Variants in ST8SIA1 observed in about 807,000 individuals in gnomAD.
ST8SIA1 encodes the protein ST8 alpha-N-acetyl-neuraminide alpha-2,8-sialyltransferase 1, also known as alpha-N-acetylneuraminide alpha-2,8-sialyltransferase.
A neutral mutation model predicts 35.9 loss-of-function variants in ST8SIA1; 16 were observed. The observed-to-expected ratio is 0.45, with a 90% CI of 0.30 to 0.68. The LOEUF (loss-of-function observed/expected upper bound fraction) is 0.68, where lower values mean the gene tolerates loss of function less well. ST8SIA1 is among the 30% of genes least tolerant of loss of function. ST8SIA1 has a pLI of 0.09. For synonymous variants in ST8SIA1, 170 were observed against 169.6 expected (o/e 1.00, Z -0.02); for missense variants, 383 against 453.6 (o/e 0.84, Z 1.41).
rs1350652095 is a variant in ST8SIA1, at chr12:22,197,534, T to G, written c.*4018A>C. 1 of 152,178 alleles carries G rather than the reference T, an allele frequency of 6.6e-6. No homozygotes were observed. Among genetic ancestry groups the G allele is most frequent in the Non-Finnish European group, 1.5e-5 (1 of 68,020 alleles). The allele number at this position is 152,178 out of a possible 1,614,324, so 9.4% of individuals were successfully genotyped here. On this transcript the variant is annotated 3_prime_UTR_variant, in exon 5 of 5. Coordinates refer to ENST00000396037, the MANE Select transcript of ST8SIA1 (RefSeq NM_003034.4). ...TAATCAAAAAATGTATATAATAAAG[T>G]TATAAAACTGGAATATGTAGCTGCT...
In ST8SIA1 at chr12:22,280,779, A is replaced by G. The variant is rs1866023565; in HGVS notation, c.381+6370T>C. Among the ~76,000 whole-genome samples the G allele has an allele frequency of 3.3e-5, 5 of 152,364 alleles. No individual in the cohort carries two copies. The South Asian group carries it at 6.2e-4, about 19-fold the overall frequency. On this transcript the variant is annotated intron_variant, in intron 2 of 4. Coordinates refer to ENST00000396037, the MANE Select transcript of ST8SIA1 (RefSeq NM_003034.4). ...GTTTTCCTTTCCCTATGAAGATAAC[A>G]GATATTTGGACATCCAGTGATGATC...
intron 2 of ST8SIA1, among the ~76,000 whole-genome samples, chr12:22,276,966 T>C (rs574079342): frequency 6.6e-6 from 1 of 152,052 alleles, no homozygotes; most frequent in Non-Finnish European, 1.5e-5. Context: ...CTACAAACAC[T>C]AAGTTGATAA....
At position 22,201,308 on chromosome 12, in the gene ST8SIA1, T is replaced by C. The variant is rs1177432496; in HGVS notation, c.*244A>G. 37 of 435,132 alleles carry C rather than the reference T, an allele frequency of 8.5e-5. 1 individual carries two copies. The South Asian group carries it at 1.9e-3, about 22-fold the overall frequency. 27.0% of individuals were successfully genotyped at this position (435,132 alleles called of 1,614,324 possible). The stretch of plus-strand genomic sequence containing the variant: ...AACCATGTGCTTTACCAACAGCATT[T>C]CACCAGCATTTTACTAGTTGCAAAT... On this transcript the variant is annotated 3_prime_UTR_variant, in exon 5 of 5. Coordinates refer to ENST00000396037, the MANE Select transcript of ST8SIA1 (RefSeq NM_003034.4).
chr12:22,255,118 C>A (rs1305998971), intron 3 of ST8SIA1, among the ~76,000 whole-genome samples, 162 bp downstream of exon 3: 1 of 152,134 alleles, frequency 6.6e-6, no homozygotes, highest in Non-Finnish European at 1.5e-5. Flanking sequence ...GCTCCCCTTA[C>A]CCCTCTCCTA....
At chr12:22,268,255 G>A (rs534686204) in intron 2 of ST8SIA1, among the ~76,000 whole-genome samples, 1 of 152,304 alleles carries the variant, frequency 6.6e-6, no homozygotes, top group Admixed American at 6.5e-5. Context: ...CTGACAGAAA[G>A]GTTAAGGAAA....
At chr12:22,252,451 T>A (rs16924835) in intron 3 of ST8SIA1, among the ~76,000 whole-genome samples, 2,236 of 152,322 alleles carry the variant, frequency 0.015, 60 homozygotes, top group African/African-American at 0.051. Context: ...TTGAAATAAT[T>A]TATCAACTTT....
chr12:22,324,791 A>G (rs1866653901), intron 1 of ST8SIA1: 1 of 150,814 alleles, frequency 6.6e-6, no homozygotes, highest in Non-Finnish European at 1.5e-5. Flanking sequence ...TAAAGAAAAA[A>G]GTCTAACATA....
chr12:22,250,385 T>C (rs1191190311), intron 3 of ST8SIA1, among the ~76,000 whole-genome samples: 1 of 152,194 alleles, frequency 6.6e-6, no homozygotes, highest in Non-Finnish European at 1.5e-5. Flanking sequence ...TATTCAAAAA[T>C]ATCACAGGTC....
intron 1 of ST8SIA1, among the ~76,000 whole-genome samples, chr12:22,333,566 T>C (rs1046567601): frequency 6.6e-6 from 1 of 152,234 alleles, no homozygotes; most frequent in African/African-American, 2.4e-5. Flanking sequence ...GGACTTATGT[T>C]ACCGACTGTG....
At chr12:22,288,029 G>A (rs1866124491) in intron 1 of ST8SIA1, among the ~76,000 whole-genome samples, 5 of 152,242 alleles carry the variant, frequency 3.3e-5, no homozygotes, top group African/African-American at 1.2e-4. Flanking sequence ...CAGCATCACT[G>A]GGGTAACCTC....
intron 4 of ST8SIA1, among the ~76,000 whole-genome samples, chr12:22,213,544 C>T (rs2268856): frequency 0.43 from 66,001 of 151,880 alleles, 14,589 homozygotes; most frequent in East Asian, 0.59. Flanking sequence ...GCTATGCAAA[C>T]GGAGTTGAAG....
At chr12:22,312,943 A>C (rs1467308032) in intron 1 of ST8SIA1, among the ~76,000 whole-genome samples, 1 of 152,180 alleles carries the variant, frequency 6.6e-6, no homozygotes, top group Non-Finnish European at 1.5e-5. Context: ...CAGAGATGAT[A>C]ATTTACATTG....
At chr12:22,274,140 A>G (rs1302004442) in intron 2 of ST8SIA1, among the ~76,000 whole-genome samples, 1 of 152,232 alleles carries the variant, frequency 6.6e-6, no homozygotes, top group African/African-American at 2.4e-5. Context: ...AAAGCAAGGT[A>G]TGAGGATGAG....
intron 2 of ST8SIA1, among the ~76,000 whole-genome samples, chr12:22,264,669 AC>A (rs1865827435): frequency 6.6e-6 from 1 of 151,742 alleles, no homozygotes; most frequent in East Asian, 1.9e-4. Context: ...TAATTATTAA[AC>A]CCTTTAAAAA....
intron 4 of ST8SIA1, among the ~76,000 whole-genome samples, chr12:22,239,137 T>C (rs1865509859): frequency 1.3e-5 from 2 of 152,220 alleles, no homozygotes; most frequent in Non-Finnish European, 1.5e-5. Flanking sequence ...TGTCTGCTTT[T>C]ATAAGCTTCT....
At chr12:22,293,476 A>G (rs1477624369) in intron 1 of ST8SIA1, among the ~76,000 whole-genome samples, 1 of 152,244 alleles carries the variant, frequency 6.6e-6, no homozygotes. Flanking sequence ...AGCTAAATCA[A>G]TAGTCCTTAT....
intron 2 of ST8SIA1, among the ~76,000 whole-genome samples, chr12:22,282,988 GA>G (rs1341455115): frequency 1.3e-5 from 2 of 152,020 alleles, no homozygotes; most frequent in Non-Finnish European, 2.9e-5. Context: ...ACACTACTGT[GA>G]AGGAAAAAAA....
intron 2 of ST8SIA1, among the ~76,000 whole-genome samples, chr12:22,277,162 T>C (rs1212744256): frequency 6.6e-6 from 1 of 152,170 alleles, no homozygotes; most frequent in Non-Finnish European, 1.5e-5. Flanking sequence ...ACAGCATATC[T>C]ACTAGCTGCT....
chr12:22,202,366 A>G (rs1865057858), intron 4 of ST8SIA1, among the ~76,000 whole-genome samples: 2 of 152,162 alleles, frequency 1.3e-5, no homozygotes, highest in African/African-American at 4.8e-5. Flanking sequence ...AAATTCCTGA[A>G]GGTTGTTGGC....
Sources: allele counts gnomAD v4.1 joint callset (sites outside exome capture counted in the v4.1 genomes callset), GRCh38; gene constraint gnomAD v4.1.1; transcripts MANE v1.5; gene names NCBI Gene and HGNC (gene_info 2026-07-23, HGNC 2026-07-21).